CFAP20DC: variants seen among roughly 807,000 people sequenced by gnomAD.
The protein encoded by CFAP20DC is CFAP20 domain containing.
CFAP20DC carries 84 observed loss-of-function variants against 101.7 expected under a neutral mutation model. The ratio of observed to expected loss-of-function variants is 0.83; its 90% CI spans 0.69 to 0.99. The LOEUF is 0.99. Among genes scored for constraint, CFAP20DC ranks in the 50% least tolerant of loss-of-function variants. The pLI, the probability that CFAP20DC is intolerant of heterozygous loss-of-function variation, is 0.00. For missense variants in CFAP20DC, 1,007 were observed against 970.3 expected (o/e 1.04, Z -0.50); for synonymous variants, 359 against 351.2 (o/e 1.02, Z -0.25).
chr3:58,957,977 AT>A (rs758577448), intron 4 of CFAP20DC, among the ~76,000 whole-genome samples: 15 of 152,320 alleles, frequency 9.8e-5, no homozygotes, highest in Non-Finnish European at 1.8e-4. Flanking sequence ...TTAATTGTAC[AT>A]TTAAAAACTA....
intron 6 of CFAP20DC, among the ~76,000 whole-genome samples, chr3:58,886,808 C>T (rs1186032662): frequency 2.6e-5 from 4 of 152,052 alleles, no homozygotes; most frequent in Non-Finnish European, 4.4e-5. Flanking sequence ...TTAGCTCAAG[C>T]ATAGTTTTTA....
At chr3:59,039,217 A>G (rs765737719) in intron 4 of CFAP20DC, among the ~76,000 whole-genome samples, 3 of 152,102 alleles carry the variant, frequency 2.0e-5, no homozygotes, top group Non-Finnish European at 4.4e-5. Context: ...TTTGAATAGC[A>G]GACCGTACAA....
chr3:59,014,957 T>C lies in CFAP20DC; in HGVS notation c.278+24600A>G, dbSNP rs2093659466. Among the ~76,000 whole-genome samples the C allele has an allele frequency of 1.3e-5, 2 of 152,088 alleles. 1 individual carries two copies. The highest frequency in any genetic ancestry group is 4.1e-4 in the South Asian group (2 of 4,828). Reference sequence around the variant, plus strand: ...TTACACCACAGAAACTAGCAAGTACTAAGTAAGCATCAGGACCCTCAATAC... The same window carrying C: ...TTACACCACAGAAACTAGCAAGTACCAAGTAAGCATCAGGACCCTCAATAC... On this transcript the variant is annotated intron_variant, in intron 4 of 16. Coordinates refer to ENST00000482387, the MANE Select transcript of CFAP20DC (RefSeq NM_001394063.1). This position sits in a 1 kb window ranked among gnomAD's most constrained non-coding sequence, Gnocchi z 4.9.
intron 14 of CFAP20DC, among the ~76,000 whole-genome samples, chr3:58,829,951 T>C (rs1426307602): frequency 6.6e-6 from 1 of 152,190 alleles, no homozygotes; most frequent in Non-Finnish European, 1.5e-5. Flanking sequence ...GAGTATTTTA[T>C]AAGAAAGGCA....
At chr3:59,023,762 T>C (rs921587821) in intron 4 of CFAP20DC, among the ~76,000 whole-genome samples, 3 of 152,062 alleles carry the variant, frequency 2.0e-5, no homozygotes, top group Admixed American at 1.3e-4. Flanking sequence ...TAAAAACAAA[T>C]GTTAGAGTAC....
At chr3:58,778,533 T>C (rs527865666) in intron 15 of CFAP20DC, among the ~76,000 whole-genome samples, 1 of 152,286 alleles carries the variant, frequency 6.6e-6, no homozygotes, top group South Asian at 2.1e-4. Context: ...CAGAGAGTTG[T>C]TCTACCACTG....
chr3:58,999,588 G>T (rs759290273), intron 4 of CFAP20DC, among the ~76,000 whole-genome samples: 1 of 152,076 alleles, frequency 6.6e-6, no homozygotes, highest in Admixed American at 6.6e-5. Context: ...CAATTAAATG[G>T]ACTCTTGGCC....
chr3:58,857,354 C>G (rs2078920315), intron 12 of CFAP20DC, among the ~76,000 whole-genome samples: 2 of 152,148 alleles, frequency 1.3e-5, no homozygotes, highest in African/African-American at 4.8e-5. Flanking sequence ...TAGCAGTTTA[C>G]TCAGGTGGAA....
chr3:58,986,633 A>G (rs573871798), intron 4 of CFAP20DC, among the ~76,000 whole-genome samples: 1 of 152,216 alleles, frequency 6.6e-6, no homozygotes, highest in Non-Finnish European at 1.5e-5. Flanking sequence ...AGACCAAACC[A>G]TGTACATGAC....
chr3:58,958,534 G>A (rs1478689982), intron 4 of CFAP20DC, among the ~76,000 whole-genome samples: 2 of 152,088 alleles, frequency 1.3e-5, no homozygotes, highest in East Asian at 3.8e-4. Flanking sequence ...CTGTTCATAG[G>A]TACATATCAG....
At chr3:58,945,739 T>C (rs1256138393) in intron 4 of CFAP20DC, among the ~76,000 whole-genome samples, 1 of 150,578 alleles carries the variant, frequency 6.6e-6, no homozygotes, top group Non-Finnish European at 1.5e-5. Flanking sequence ...GTTCTGTCAC[T>C]GGGCTGGAGT....
rs927262347 is a variant in CFAP20DC at position 58,736,934 on chromosome 3, A to G, written c.197+16835T>C. Among the ~76,000 whole-genome samples the G allele has an allele frequency of 3.3e-5, 5 of 152,302 alleles. No homozygotes were observed. The South Asian group carries it at 1.0e-3, about 32-fold the overall frequency. On this transcript the variant is annotated intron_variant, in intron 3 of 3. Coordinates refer to the CFAP20DC transcript ENST00000486145. ...AGTCAAATTATTTTGACTTAATGTGATTCTAAATTACATTAAAACCACGCA... is the reference window on the plus strand; with the variant it reads ...AGTCAAATTATTTTGACTTAATGTGGTTCTAAATTACATTAAAACCACGCA...
At chr3:58,932,028 A>T (rs1410106226) in intron 5 of CFAP20DC, among the ~76,000 whole-genome samples, 1 of 152,244 alleles carries the variant, frequency 6.6e-6, no homozygotes. Flanking sequence ...ACTTGGAAAA[A>T]AATTTAGACG....
chr3:59,033,819 G>C (rs549736918), intron 4 of CFAP20DC, among the ~76,000 whole-genome samples: 9 of 152,184 alleles, frequency 5.9e-5, no homozygotes, highest in African/African-American at 2.2e-4. Context: ...AGCAAGACAG[G>C]CCAACATTCA....
intron 6 of CFAP20DC, among the ~76,000 whole-genome samples, chr3:58,902,032 T>C (rs142015403): frequency 1.3e-3 from 194 of 152,370 alleles, no homozygotes; most frequent in African/African-American, 4.2e-3. Flanking sequence ...TTTTTTTGTC[T>C]GGCTTCTTTC....
intron 4 of CFAP20DC, among the ~76,000 whole-genome samples, chr3:59,037,839 C>T (rs533937878): frequency 5.9e-5 from 9 of 152,216 alleles, no homozygotes; most frequent in Non-Finnish European, 7.4e-5. Flanking sequence ...ATGTTTATTA[C>T]GGCACTGTTC....
chr3:58,944,112 AG>A (rs1270322135), intron 4 of CFAP20DC, among the ~76,000 whole-genome samples: 1 of 152,196 alleles, frequency 6.6e-6, no homozygotes, highest in Non-Finnish European at 1.5e-5. Flanking sequence ...TATACCTGAA[AG>A]TGACGGGGAG....
At chr3:58,737,047 T>C (rs952465202), downstream of CFAP20DC, 4 of 350,646 alleles carry the variant, frequency 1.1e-5, no homozygotes, top group Non-Finnish European at 2.2e-5. This position sits in a 1 kb window ranked among gnomAD's most constrained non-coding sequence, Gnocchi z 4.1. Context: ...TGTTATAAGT[T>C]AACCATATTA....
chr3:59,019,506 G>C (rs879024380), intron 4 of CFAP20DC, among the ~76,000 whole-genome samples: 1 of 151,880 alleles, frequency 6.6e-6, no homozygotes, highest in Admixed American at 6.6e-5. Flanking sequence ...AAGCAGCCTA[G>C]GTCCCCCTAA....
Sources: allele counts gnomAD v4.1 joint callset (sites outside exome capture counted in the v4.1 genomes callset), GRCh38; gene constraint gnomAD v4.1.1; non-coding constraint Gnocchi (gnomAD v3.1); transcripts MANE v1.5; gene names NCBI Gene and HGNC (gene_info 2026-07-23, HGNC 2026-07-21).